The following GRIK2 variants were observed in gnomAD, a reference collection of about 807,000 sequenced individuals.
GRIK2 encodes the protein glutamate receptor ionotropic, kainate 2.
GRIK2 carries 32 observed loss-of-function variants against 100.3 expected under a neutral mutation model. That is an observed-to-expected ratio of 0.32 (90% CI 0.24 to 0.43). The LOEUF (loss-of-function observed/expected upper bound fraction) is 0.43. GRIK2 is among the 20% of genes least tolerant of loss of function. The pLI is 1.00. For missense variants in GRIK2, 843 were observed against 1,114.9 expected, an observed-to-expected ratio of 0.76 and a Z score of 3.47; for synonymous variants, 417 against 389.4, an observed-to-expected ratio of 1.07 and a Z score of -0.83.
At chr6:101,727,998 CAGATG>C (rs1369305902) in intron 7 of GRIK2, among the ~76,000 whole-genome samples, 1 of 151,850 alleles carries the variant, frequency 6.6e-6, no homozygotes, top group African/African-American at 2.4e-5. Flanking sequence ...GACTCATGTG[CAGATG>C]ATTATGAATA....
chr6:101,733,666 G>A (rs1462614423), intron 7 of GRIK2, among the ~76,000 whole-genome samples: 2 of 144,404 alleles, frequency 1.4e-5, no homozygotes, highest in African/African-American at 5.1e-5. Context: ...TTCAAGGTCT[G>A]GTTCTTTTTT....
intron 1 of GRIK2, 182 bp from the exon 2 acceptor site, chr6:101,398,803 C>T: frequency 2.6e-6 from 1 of 387,134 alleles, no homozygotes; most frequent in Non-Finnish European, 4.6e-6. Flanking sequence ...GCAGCTATCT[C>T]AGTCTTTCTC....
At position 101,844,719 on chromosome 6, in the gene GRIK2, G is replaced by A. The variant is rs77190484; in HGVS notation, c.1318-14568G>A. ...TATGTTGTGTTTATAGTATATCATA[G>A]CAATTTGAGGACACATGACATGTCT... On this transcript the variant is annotated intron_variant, in intron 10 of 16. Transcript: ENST00000369134. Among the ~76,000 whole-genome samples the A allele has an allele frequency of 2.0e-4, 31 of 152,198 alleles. No homozygotes were observed. The East Asian group carries it at 5.4e-3, about 27-fold the overall frequency.
At chr6:101,662,874 CTCAAT>C (rs914044672) in intron 4 of GRIK2, among the ~76,000 whole-genome samples, 3 of 152,034 alleles carry the variant, frequency 2.0e-5, no homozygotes, top group African/African-American at 7.2e-5. Flanking sequence ...CTTCTGTATT[CTCAAT>C]TCAAAATACA....
intron 14 of GRIK2, among the ~76,000 whole-genome samples, chr6:102,029,440 A>C (rs574456510): frequency 6.6e-6 from 1 of 151,118 alleles, no homozygotes; most frequent in Non-Finnish European, 1.5e-5. Context: ...TATTTGATTA[A>C]TTTCATTTTT....
intron 12 of GRIK2, among the ~76,000 whole-genome samples, chr6:101,894,780 GT>G (rs202114221): frequency 1.3e-5 from 2 of 151,262 alleles, no homozygotes; most frequent in Middle Eastern, 3.4e-3. Context: ...TATATGTTAG[GT>G]TTTTTTTCCT....
intron 8 of GRIK2, among the ~76,000 whole-genome samples, chr6:101,801,414 A>G (rs1562398972): frequency 6.6e-6 from 1 of 152,028 alleles, no homozygotes; most frequent in Non-Finnish European, 1.5e-5. Flanking sequence ...GTAATTTATT[A>G]GCTGAAAACT....
At chr6:101,727,956 TAATTAA>T (rs1247460032) in intron 7 of GRIK2, among the ~76,000 whole-genome samples, 1 of 152,070 alleles carries the variant, frequency 6.6e-6, no homozygotes, top group Non-Finnish European at 1.5e-5. Flanking sequence ...TTATTTTTAT[TAATTAA>T]ATGCATCAAA....
chr6:101,940,283 C>T (rs1790877687), intron 14 of GRIK2, among the ~76,000 whole-genome samples: 1 of 152,020 alleles, frequency 6.6e-6, no homozygotes, highest in Non-Finnish European at 1.5e-5. Context: ...ATCAAGTCTT[C>T]CAGGCTTTAC....
At chr6:101,760,011 A>G (rs1019114023) in intron 7 of GRIK2, among the ~76,000 whole-genome samples, 1 of 133,498 alleles carries the variant, frequency 7.5e-6, no homozygotes, top group African/African-American at 3.3e-5. Flanking sequence ...CTGGGACTAC[A>G]GGCGCCCGCC....
chr6:101,566,869 T>G (rs1777301871), intron 2 of GRIK2, among the ~76,000 whole-genome samples: 1 of 150,376 alleles, frequency 6.6e-6, no homozygotes, highest in Admixed American at 6.7e-5. Flanking sequence ...ATGATAGACA[T>G]ATATACATAT....
chr6:101,444,065 G>C (rs572065229), intron 2 of GRIK2, among the ~76,000 whole-genome samples: 1 of 143,402 alleles, frequency 7.0e-6, no homozygotes, highest in East Asian at 2.0e-4. Flanking sequence ...GATTTTCCGG[G>C]TTTTTTTGTT....
intron 2 of GRIK2, among the ~76,000 whole-genome samples, chr6:101,571,226 T>TTTTTAAC (rs1777510362): frequency 6.6e-6 from 1 of 152,150 alleles, no homozygotes; most frequent in Non-Finnish European, 1.5e-5. Flanking sequence ...TTAAAAACAG[T>TTTTTAAC]TGGTTTACAC....
At chr6:101,777,024 C>G (rs540985797) in intron 7 of GRIK2, among the ~76,000 whole-genome samples, 1 of 152,332 alleles carries the variant, frequency 6.6e-6, no homozygotes, top group Admixed American at 6.5e-5. Flanking sequence ...GCCTATGCAC[C>G]ATGTGCCAGG....
chr6:101,669,027 T>G (rs1770234481), intron 4 of GRIK2, among the ~76,000 whole-genome samples: 1 of 152,144 alleles, frequency 6.6e-6, no homozygotes, highest in Non-Finnish European at 1.5e-5. Context: ...TACTGTACTC[T>G]TAGTGAAGGA....
At chr6:101,449,243 A>G (rs1230221292) in intron 2 of GRIK2, among the ~76,000 whole-genome samples, 1 of 151,754 alleles carries the variant, frequency 6.6e-6, no homozygotes, top group Non-Finnish European at 1.5e-5. Context: ...AATATTAACA[A>G]GTATCTCTCT....
At chr6:101,857,996 T>G (rs1382319721) in intron 10 of GRIK2, among the ~76,000 whole-genome samples, 1 of 152,198 alleles carries the variant, frequency 6.6e-6, no homozygotes, top group Non-Finnish European at 1.5e-5. Context: ...GTCCTTGGCT[T>G]GAAATACTCT....
At chr6:101,915,107 T>A (rs1789014339) in intron 12 of GRIK2, among the ~76,000 whole-genome samples, 1 of 151,384 alleles carries the variant, frequency 6.6e-6, no homozygotes, top group South Asian at 2.1e-4. Context: ...CTTAAATATG[T>A]ACAATTAAAG....
At chr6:101,935,591 GATATTAAGGACATGGTATT>G (rs1790566154) in intron 14 of GRIK2, among the ~76,000 whole-genome samples, 1 of 151,854 alleles carries the variant, frequency 6.6e-6, no homozygotes, top group Non-Finnish European at 1.5e-5. Context: ...ACTTTTAAGT[GATATTAAGGACATGGTATT>G]AATTGGCCTA....
Sources: allele counts gnomAD v4.1 joint callset (sites outside exome capture counted in the v4.1 genomes callset), GRCh38; gene constraint gnomAD v4.1.1; transcripts MANE v1.5; gene names NCBI Gene and HGNC (gene_info 2026-07-23, HGNC 2026-07-21).